GFRA2: variants seen among roughly 807,000 people sequenced by gnomAD.
GFRA2 encodes GDNF family receptor alpha 2, also known as GDNF family receptor alpha-2.
In GFRA2, 17 loss-of-function variants were observed where a neutral mutation model predicts 48.3. The observed-to-expected ratio is 0.35, with a 90% CI of 0.24 to 0.53. The LOEUF is 0.53. Ranked by LOEUF, GFRA2 falls within the 20% of genes least tolerant of loss-of-function variation. The pLI is 0.93. For synonymous variants in GFRA2, 305 were observed against 257.2 expected (o/e 1.19, Z -1.78); for missense variants, 660 against 637.3 (o/e 1.04, Z -0.38).
intron 3 of GFRA2, among the ~76,000 whole-genome samples, chr8:21,751,966 C>T (rs182670002): frequency 2.0e-5 from 3 of 152,138 alleles, no homozygotes; most frequent in Admixed American, 2.0e-4. Flanking sequence ...CAGCCATCGG[C>T]GTTCAACTCC....
chr8:21,759,806 T>C (rs1265604181), intron 3 of GFRA2, among the ~76,000 whole-genome samples: 1 of 150,822 alleles, frequency 6.6e-6, no homozygotes, highest in Non-Finnish European at 1.5e-5. Flanking sequence ...GGAGAATCGC[T>C]TGAAGCCGGG....
intron 2 of GFRA2, among the ~76,000 whole-genome samples, chr8:21,796,753 C>T (rs1271860423): frequency 6.6e-6 from 1 of 152,202 alleles, no homozygotes; most frequent in African/African-American, 2.4e-5. Flanking sequence ...TCTCTCTTTC[C>T]AGAATAGGAA....
chr8:21,790,281 C>T (rs1807531609), upstream of GFRA2, among the ~76,000 whole-genome samples: 1 of 152,198 alleles, frequency 6.6e-6, no homozygotes, highest in South Asian at 2.1e-4. Flanking sequence ...CAGCTCGGCG[C>T]GCACACACGG....
At chr8:21,712,737 G>A (rs1247747198) in intron 4 of GFRA2, among the ~76,000 whole-genome samples, 1 of 152,254 alleles carries the variant, frequency 6.6e-6, no homozygotes, top group African/African-American at 2.4e-5. Context: ...GAGTGAACGA[G>A]ACTCCGTCTG....
In GFRA2 at chr8:21,750,605, C is replaced by A. The variant is rs756564503; in HGVS notation, c.777G>T (p.Arg259=). Residue 259 remains arginine (R), a synonymous_variant, in exon 4 of 9, where the codon CGG becomes CGT. Coordinates refer to ENST00000524240, the MANE Select transcript of GFRA2 (RefSeq NM_001495.5). This position sits in a 1 kb window ranked among gnomAD's most constrained non-coding sequence, Gnocchi z 5.7. ...PNCLDLRGVC[R]TDHLCRSRLA... Reference sequence around the variant, plus strand: ...GCACTCACCGACACAGGTGGTCAGTCCGGCACACGCCACGCAGGTCCAGGC... The same window carrying A: ...GCACTCACCGACACAGGTGGTCAGTACGGCACACGCCACGCAGGTCCAGGC... 1 of 1,606,272 alleles carries A rather than the reference C, an allele frequency of 6.2e-7. No homozygotes were observed. Among genetic ancestry groups the A allele is most frequent in the Non-Finnish European group, 8.5e-7 (1 of 1,175,936 alleles).
chr8:21,779,304 G>A (rs890321428), intron 2 of GFRA2, among the ~76,000 whole-genome samples: 35 of 152,212 alleles, frequency 2.3e-4, no homozygotes, highest in Non-Finnish European at 4.7e-4. Flanking sequence ...ACACAGCATC[G>A]TGCTCATTTC....
chr8:21,721,547 T>C (rs1450820270), intron 4 of GFRA2, among the ~76,000 whole-genome samples: 1 of 152,132 alleles, frequency 6.6e-6, no homozygotes, highest in African/African-American at 2.4e-5. Context: ...CCGCTGCACC[T>C]CTCCATGCCT....
At chr8:21,705,846 T>G (rs1369891408) in intron 5 of GFRA2, 86 bp downstream of exon 5, 4 of 823,148 alleles carry the variant, frequency 4.9e-6, no homozygotes, top group Non-Finnish European at 7.8e-6. Context: ...CTCCCCCAGC[T>G]GGCCCTGAGC....
intron 1 of GFRA2, among the ~76,000 whole-genome samples, chr8:21,785,031 C>T (rs1265910462): frequency 6.6e-6 from 1 of 152,188 alleles, no homozygotes; most frequent in African/African-American, 2.4e-5. Flanking sequence ...ACCCCGCCTC[C>T]CCATAGGCTA....
intron 3 of GFRA2, among the ~76,000 whole-genome samples, chr8:21,758,199 C>T (rs1805676832): frequency 8.7e-6 from 1 of 114,826 alleles, no homozygotes; most frequent in African/African-American, 4.7e-5. Context: ...GCCCTTGGCC[C>T]ACTCCCCACA....
chr8:21,805,165 A>T (rs1291294811), intron 1 of GFRA2: 1 of 152,260 alleles, frequency 6.6e-6, no homozygotes, highest in East Asian at 1.9e-4. Flanking sequence ...TCTCATAAAA[A>T]GAAATCACAA....
intron 4 of GFRA2, among the ~76,000 whole-genome samples, chr8:21,719,113 G>A (rs1418688687): frequency 1.3e-5 from 2 of 152,114 alleles, no homozygotes; most frequent in African/African-American, 2.4e-5. Flanking sequence ...TAAGAGGGCT[G>A]TGGCTGGAGC....
At chr8:21,768,478 G>A (rs769318895) in intron 3 of GFRA2, among the ~76,000 whole-genome samples, 76 of 152,230 alleles carry the variant, frequency 5.0e-4, no homozygotes, top group African/African-American at 1.7e-3. Flanking sequence ...GCACCAGCCC[G>A]ACCTGCTGAA....
At chr8:21,730,958 C>T (rs778522294) in intron 4 of GFRA2, among the ~76,000 whole-genome samples, 2 of 152,164 alleles carry the variant, frequency 1.3e-5, no homozygotes, top group African/African-American at 2.4e-5. Flanking sequence ...CACAGCGAGA[C>T]GAGGTAGATT....
At chr8:21,744,425 T>C (rs534242615) in intron 4 of GFRA2, among the ~76,000 whole-genome samples, 6 of 152,180 alleles carry the variant, frequency 3.9e-5, no homozygotes, top group Admixed American at 1.3e-4. Context: ...CAAGGAGTTA[T>C]TTATGTTCTC....
intron 3 of GFRA2, among the ~76,000 whole-genome samples, chr8:21,760,065 C>G (rs77784936): frequency 0.011 from 1,681 of 152,160 alleles, 24 homozygotes; most frequent in African/African-American, 0.037. Flanking sequence ...GGTCCTGAGA[C>G]AGCTATGAGC....
At chr8:21,706,390 G>A (rs1019884418) in intron 4 of GFRA2, 12 of 477,062 alleles carry the variant, frequency 2.5e-5, no homozygotes, top group African/African-American at 2.2e-4. Context: ...CCCCAGGCAG[G>A]AAAGCTGGGT....
At chr8:21,801,730 C>A (rs1322342382) in intron 2 of GFRA2, among the ~76,000 whole-genome samples, 2 of 152,274 alleles carry the variant, frequency 1.3e-5, no homozygotes, top group East Asian at 3.9e-4. Context: ...TGGAATCTGA[C>A]AACTCACTAA....
At chr8:21,755,033 T>C (rs979899880) in intron 3 of GFRA2, among the ~76,000 whole-genome samples, 1 of 151,588 alleles carries the variant, frequency 6.6e-6, no homozygotes, top group African/African-American at 2.4e-5. Flanking sequence ...ACAGAGACAG[T>C]GAGATCAGTG....
Sources: gnomAD v4.1 joint callset for allele counts (sites outside exome capture counted in the v4.1 genomes callset) on GRCh38, gnomAD v4.1.1 for gene constraint, Gnocchi (gnomAD v3.1) non-coding constraint, MANE v1.5 for transcripts, NCBI Gene and HGNC (gene_info 2026-07-23, HGNC 2026-07-21) for gene names.